TMEM132D: variants seen among roughly 807,000 people sequenced by gnomAD.
TMEM132D encodes mature OL transmembrane protein.
A neutral mutation model predicts 62.3 loss-of-function variants in TMEM132D; 21 were observed. The ratio of observed to expected loss-of-function variants is 0.34; its 90% confidence interval spans 0.24 to 0.49. TMEM132D has a LOEUF of 0.49. Among genes scored for constraint, TMEM132D ranks in the 20% least tolerant of loss-of-function variants. The pLI is 0.99. For missense variants in TMEM132D, 1,346 were observed against 1,402.8 expected, an observed-to-expected ratio of 0.96 and a Z score of 0.65; for synonymous variants, 621 against 575.6, an observed-to-expected ratio of 1.08 and a Z score of -1.13.
intron 1 of TMEM132D, among the ~76,000 whole-genome samples, chr12:129,793,316 T>A (rs1871455976): frequency 1.3e-5 from 2 of 152,172 alleles, no homozygotes; most frequent in Non-Finnish European, 2.9e-5. Flanking sequence ...TTCTTGAGTT[T>A]TTTTTCCCCA....
rs1040935004 is a variant in TMEM132D at position 129,072,931 on chromosome 12, G to A, written c.*944C>T. On this transcript the variant is annotated 3_prime_UTR_variant, in exon 9 of 9. Transcript: ENST00000422113. Reference sequence around the variant, plus strand: ...GACATATGCCCAGGTTGCGGGGGGAGCTTCTCTACAGAATGTCACTTGGGA... The same window carrying A: ...GACATATGCCCAGGTTGCGGGGGGAACTTCTCTACAGAATGTCACTTGGGA... 1 of 152,192 alleles carries A rather than the reference G, an allele frequency of 6.6e-6. No individual in the cohort carries two copies. Among genetic ancestry groups the A allele is most frequent in the Non-Finnish European group, 1.5e-5 (1 of 68,044 alleles). The allele number at this position is 152,192 out of a possible 1,614,324, so 9.4% of individuals were successfully genotyped here. A position where few individuals can be genotyped will look rare whatever the true frequency, so the allele number is the denominator to read the frequency against.
At chr12:129,738,515 GA>G (rs1869499230) in intron 1 of TMEM132D, among the ~76,000 whole-genome samples, 1 of 152,220 alleles carries the variant, frequency 6.6e-6, no homozygotes, top group South Asian at 2.1e-4. Flanking sequence ...CAGAGATGCA[GA>G]AAAGGAGAAA....
chr12:129,325,766 T>C (rs1415930599), intron 4 of TMEM132D, among the ~76,000 whole-genome samples: 1 of 152,214 alleles, frequency 6.6e-6, no homozygotes, highest in African/African-American at 2.4e-5. Context: ...AGTAGGAACC[T>C]GAGAATTAGT....
intron 4 of TMEM132D, among the ~76,000 whole-genome samples, chr12:129,327,543 C>T (rs896775489): frequency 2.6e-4 from 40 of 152,192 alleles, no homozygotes; most frequent in Non-Finnish European, 5.9e-5. Context: ...ACGTTTATAT[C>T]ATCTCGGAAA....
chr12:129,493,555 G>A (rs1027402560), intron 3 of TMEM132D, among the ~76,000 whole-genome samples: 1 of 152,188 alleles, frequency 6.6e-6, no homozygotes, highest in Non-Finnish European at 1.5e-5. Context: ...AACAAATGCT[G>A]TAAATAAATA....
At chr12:129,382,585 A>G (rs1234890709) in intron 3 of TMEM132D, among the ~76,000 whole-genome samples, 7 of 152,206 alleles carry the variant, frequency 4.6e-5, no homozygotes, top group African/African-American at 1.7e-4. Context: ...GTGTAAAAGA[A>G]AATATTGATT....
chr12:129,082,262 C>A (rs1874479689), intron 6 of TMEM132D, among the ~76,000 whole-genome samples: 1 of 152,130 alleles, frequency 6.6e-6, no homozygotes, highest in African/African-American at 2.4e-5. Flanking sequence ...CACAGTGGCC[C>A]CTCACCTCCT....
At chr12:129,861,809 T>C (rs561444914) in intron 1 of TMEM132D, among the ~76,000 whole-genome samples, 1 of 151,816 alleles carries the variant, frequency 6.6e-6, no homozygotes, top group East Asian at 1.9e-4. Flanking sequence ...TCACAAGATT[T>C]GCAACTTCCC....
At chr12:129,881,586 T>C (rs910327383) in intron 1 of TMEM132D, among the ~76,000 whole-genome samples, 8 of 152,012 alleles carry the variant, frequency 5.3e-5, no homozygotes, top group Non-Finnish European at 4.4e-5. Flanking sequence ...TTATGACAAA[T>C]ATCTAAATAA....
intron 2 of TMEM132D, among the ~76,000 whole-genome samples, chr12:129,582,872 A>G (rs1050824133): frequency 1.3e-5 from 2 of 151,682 alleles, no homozygotes; most frequent in Admixed American, 1.3e-4. Context: ...TGATCCACCC[A>G]CCTCGGCCTC....
chr12:129,587,352 G>A (rs1010303159), intron 2 of TMEM132D, among the ~76,000 whole-genome samples: 48 of 152,128 alleles, frequency 3.2e-4, no homozygotes, highest in African/African-American at 9.9e-4. Context: ...AGAAAACATG[G>A]GCACGTAGAG....
At chr12:129,649,770 ATATG>A (rs1565936416) in intron 2 of TMEM132D, among the ~76,000 whole-genome samples, 1 of 151,886 alleles carries the variant, frequency 6.6e-6, no homozygotes, top group African/African-American at 2.4e-5. Context: ...ATGTATGTGT[ATATG>A]TGTGTATATG....
At chr12:129,205,065 A>G (rs1330581905) in intron 5 of TMEM132D, among the ~76,000 whole-genome samples, 1 of 152,198 alleles carries the variant, frequency 6.6e-6, no homozygotes, top group Non-Finnish European at 1.5e-5. Flanking sequence ...AGCCAATTTG[A>G]AAAAACACTT....
Position 129,337,825 on chromosome 12 carries a change from G to A in TMEM132D, c.1116-8C>T, listed in dbSNP as rs1208154228. ...TAGGAGGCGCCATCCGCACTGGAGAGAAGACACAGAGGAGAACAGCTTTCA... is the reference window on the plus strand; with the variant it reads ...TAGGAGGCGCCATCCGCACTGGAGAAAAGACACAGAGGAGAACAGCTTTCA... On this transcript the variant is annotated splice_region_variant and splice_polypyrimidine_tract_variant and intron_variant, in intron 3 of 8. Transcript: ENST00000422113. 1.9e-6 allele frequency: 3 copies of A among 1,599,990 alleles called. No homozygotes were observed. Among genetic ancestry groups the A allele is most frequent in the Non-Finnish European group, 2.6e-6 (3 of 1,171,968 alleles).
chr12:129,092,683 C>T lies in TMEM132D; in HGVS notation c.1444-7981G>A, dbSNP rs116834861. 8.7e-3 allele frequency among the ~76,000 whole-genome samples: 1,321 copies of T among 152,058 alleles called. 11 individuals carry two copies. The highest frequency in any genetic ancestry group is 0.028 in the African/African-American group (1,164 of 41,482). Reference sequence around the variant, plus strand: ...TTTACTCCAGCCTGGGCAACAAGAGCGAAACTATGTCTCAAAAAAGAAAGA... The same window carrying T: ...TTTACTCCAGCCTGGGCAACAAGAGTGAAACTATGTCTCAAAAAAGAAAGA... On this transcript the variant is annotated intron_variant, in intron 5 of 8. Transcript: ENST00000422113.
chr12:129,234,830 T>C (rs1333722828), intron 4 of TMEM132D, among the ~76,000 whole-genome samples: 1 of 152,198 alleles, frequency 6.6e-6, no homozygotes, highest in Non-Finnish European at 1.5e-5. Context: ...GTGAAATCCA[T>C]TATCTTAAAA....
chr12:129,463,687 AT>A, intron 3 of TMEM132D, among the ~76,000 whole-genome samples: 1 of 146,034 alleles, frequency 6.8e-6, no homozygotes, highest in East Asian at 2.0e-4. Context: ...ATGTGTTCTC[AT>A]TGTTCAATTC....
intron 1 of TMEM132D, among the ~76,000 whole-genome samples, chr12:129,721,377 A>C (rs935071267): frequency 6.6e-6 from 1 of 152,140 alleles, no homozygotes; most frequent in Non-Finnish European, 1.5e-5. Context: ...AAAGGGTGGG[A>C]TGCCTTAACG....
chr12:129,212,278 A>G (rs1249319972), intron 4 of TMEM132D: 1 of 152,210 alleles, frequency 6.6e-6, no homozygotes, highest in Non-Finnish European at 1.5e-5. Context: ...TTTTCTCTGA[A>G]TAGCATACGT....
Sources: allele counts gnomAD v4.1 joint callset (sites outside exome capture counted in the v4.1 genomes callset), GRCh38; gene constraint gnomAD v4.1.1; transcripts MANE v1.5; gene names NCBI Gene and HGNC (gene_info 2026-07-23, HGNC 2026-07-21).